Variants in CC2D2A observed in about 807,000 individuals in gnomAD.
CC2D2A encodes the protein coiled-coil and C2 domain containing 2A.
A neutral mutation model predicts 212.9 loss-of-function variants in CC2D2A; 155 were observed. The observed-to-expected ratio is 0.73, with a 90% CI of 0.64 to 0.83. CC2D2A has a LOEUF of 0.83. Among genes scored for constraint, CC2D2A ranks in the 40% least tolerant of loss-of-function variants. The pLI is 0.00. For synonymous variants in CC2D2A, 667 were observed against 686.5 expected, an observed-to-expected ratio of 0.97 and a Z score of 0.44; for missense variants, 1,856 against 1,956.2, an observed-to-expected ratio of 0.95 and a Z score of 0.97.
At chr4:15,554,855 G>C (rs1054377826) in intron 19 of CC2D2A, among the ~76,000 whole-genome samples, 1 of 152,208 alleles carries the variant, frequency 6.6e-6, no homozygotes, top group African/African-American at 2.4e-5. Flanking sequence ...GTAGGAATTA[G>C]TCATATCTGC....
Position 15,569,409 on chromosome 4 carries a change from A to G in CC2D2A, c.3495+20A>G. 7.2e-7 allele frequency: 1 copy of G among 1,391,356 alleles called. No individual in the cohort carries two copies. The highest frequency in any genetic ancestry group is 1.0e-6 in the Non-Finnish European group (1 of 998,386). The allele number at this position is 1,391,356 out of a possible 1,614,324, so 86.2% of individuals were successfully genotyped here. On this transcript the variant is annotated intron_variant, in intron 27 of 36. Transcript: ENST00000424120. ...TTAGAGGTAAGTTCTCAGTTTTAAGAAAGACACTTGTATTCACTTTCATAT... is the reference window on the plus strand; with the variant it reads ...TTAGAGGTAAGTTCTCAGTTTTAAGGAAGACACTTGTATTCACTTTCATAT...
In CC2D2A at chr4:15,528,683, G is replaced by A. The variant is rs779330548; in HGVS notation, c.1423G>A (p.Asp475Asn). Residue 475 changes from aspartate (D) to asparagine (N), a missense_variant, in exon 13 of 37, where the codon GAT becomes AAT. Physicochemically the swap from Asp to Asn is conservative, Grantham distance 23. This residue lies in a region of CC2D2A where 1,512 missense variants were observed against 1,579.3 expected (regional missense o/e 0.96). Coordinates refer to ENST00000424120, the MANE Select transcript of CC2D2A (RefSeq NM_001378615.1). The stretch of plus-strand genomic sequence containing the variant: ...TCCAGAAAAACCTCATCAGTCTCTC[G>A]ATACCATCCAAAAAACCATCAATGA... ...LDPEKPHQSL[D>N]TIQKTINEYK... 11 of 1,613,340 alleles carry A rather than the reference G, an allele frequency of 6.8e-6. No homozygotes were observed. Among genetic ancestry groups the A allele is most frequent in the South Asian group, 5.5e-5 (5 of 90,960 alleles).
intron 35 of CC2D2A, among the ~76,000 whole-genome samples, chr4:15,597,928 G>C (rs1444595611): frequency 6.6e-6 from 1 of 152,214 alleles, no homozygotes; most frequent in African/African-American, 2.4e-5. Flanking sequence ...CTGAGGCTCA[G>C]AGAGGTCCAC....
At position 15,589,641 on chromosome 4, in the gene CC2D2A, C is replaced by A; in HGVS notation, c.4276C>A (p.Pro1426Thr). The change falls in exon 33 of 37, where the codon CCC (proline) becomes ACC (threonine). Residue 1426 changes from proline (P) to threonine (T), a missense_variant. This residue lies in a region of CC2D2A where 285 missense variants were observed against 278.4 expected (regional missense o/e 1.02). Coordinates refer to ENST00000424120, the MANE Select transcript of CC2D2A (RefSeq NM_001378615.1). ...TTATGGACAATTTGATACATTCTGT[C>A]CCTTGAAAAATGTGGGCTGTTTAAT... ...HFYGQFDTFC[P>T]LKNVGCLIGP... The A allele has an allele frequency of 6.2e-7, 1 of 1,601,548 alleles. No homozygotes were observed. The highest frequency in any genetic ancestry group is 8.5e-7 in the Non-Finnish European group (1 of 1,172,760).
chr4:15,586,257 C>G lies in CC2D2A; in HGVS notation c.4065+11C>G, dbSNP rs1157149153. 2.6e-6 allele frequency: 4 copies of G among 1,514,634 alleles called. No homozygotes were observed. The East Asian group carries it at 7.1e-5, about 27-fold the overall frequency. The allele number at this position is 1,514,634 out of a possible 1,614,324, so 93.8% of individuals were successfully genotyped here. A position where few individuals can be genotyped will look rare whatever the true frequency, so the allele number is the denominator to read the frequency against. On this transcript the variant is annotated intron_variant, in intron 31 of 36. Coordinates refer to ENST00000424120, the MANE Select transcript of CC2D2A (RefSeq NM_001378615.1). ...TGGAGCACATCTGATGTAAGTAGTT[C>G]TTCTTCACAGATTTAGAAACTTGAG...
rs762588216 is a variant in CC2D2A, at chr4:15,502,474, T to C, written c.293T>C (p.Phe98Ser). 9 of 1,609,618 alleles carry C rather than the reference T, an allele frequency of 5.6e-6. No homozygotes were observed. Among genetic ancestry groups the C allele is most frequent in the East Asian group, 2.2e-5 (1 of 44,820 alleles). ...PSTSRTGFAEFSMRGRMREKL... is the reference protein window; with the variant it reads ...PSTSRTGFAESSMRGRMREKL... ...ACTTCCAGAACAGGCTTTGCAGAAT[T>C]TTCCATGAGGGGACGCATGAGGGAG... Residue 98 changes from phenylalanine to serine, a missense_variant, in exon 5 of 37, where the codon TTT (phenylalanine) becomes TCT (serine). Physicochemically the swap from Phe to Ser is radical, Grantham distance 155. Coordinates refer to ENST00000424120, the MANE Select transcript of CC2D2A (RefSeq NM_001378615.1).
intron 4 of CC2D2A, 142 bp from the exon 5 acceptor site, chr4:15,502,287 G>A: frequency 1.5e-6 from 1 of 659,298 alleles, no homozygotes; most frequent in Non-Finnish European, 2.6e-6. Context: ...TTCTAAATGT[G>A]CAAAATAAAA....
At chr4:15,489,303 C>T (rs1473761949) in intron 4 of CC2D2A, among the ~76,000 whole-genome samples, 2 of 152,058 alleles carry the variant, frequency 1.3e-5, no homozygotes. Flanking sequence ...CAGCATGAGA[C>T]ATAGAGGGGA....
chr4:15,522,509 T>C (rs1577345835), intron 11 of CC2D2A, among the ~76,000 whole-genome samples: 1 of 92,042 alleles, frequency 1.1e-5, no homozygotes. Flanking sequence ...TTTTTGAATG[T>C]TTTTTTTTTT....
At chr4:15,560,102 G>A (rs1187553309) in intron 22 of CC2D2A, among the ~76,000 whole-genome samples, 1 of 152,110 alleles carries the variant, frequency 6.6e-6, no homozygotes, top group Non-Finnish European at 1.5e-5. Flanking sequence ...AAAGTGCTGG[G>A]ATTACAGGCA....
intron 35 of CC2D2A, among the ~76,000 whole-genome samples, chr4:15,598,638 CACAA>C (rs112637724): frequency 4.6e-4 from 70 of 152,238 alleles, no homozygotes; most frequent in Admixed American, 3.4e-3. Flanking sequence ...CTGTACTTAT[CACAA>C]ACAGTTTCAA....
At chr4:15,502,594 T>C in intron 5 of CC2D2A, 77 bp downstream of exon 5, 2 of 1,288,920 alleles carry the variant, frequency 1.6e-6, no homozygotes, top group Non-Finnish European at 2.2e-6. Flanking sequence ...CTTTTTATGC[T>C]CCAAACTGCA....
intron 16 of CC2D2A, among the ~76,000 whole-genome samples, chr4:15,540,613 T>C (rs1306103186): frequency 1.3e-5 from 2 of 152,208 alleles, no homozygotes; most frequent in East Asian, 3.8e-4. Context: ...GAATGGACTC[T>C]AGTTCTTAAA....
At position 15,510,112 on chromosome 4, in the gene CC2D2A, A is replaced by G. The variant is rs754639118; in HGVS notation, c.439-27A>G. ...CTAAGTTTCTTGGGTTAAATGGTTTATCTATCATTTTTTTCCACTCATATA... is the reference window on the plus strand; with the variant it reads ...CTAAGTTTCTTGGGTTAAATGGTTTGTCTATCATTTTTTTCCACTCATATA... On this transcript the variant is annotated intron_variant, in intron 6 of 36. Transcript: ENST00000424120. The G allele has an allele frequency of 2.4e-5, 37 of 1,548,734 alleles. No individual in the cohort carries two copies. The East Asian group carries it at 8.1e-4, about 34-fold the overall frequency.
chr4:15,560,576 T>A lies in CC2D2A; in HGVS notation c.2968T>A (p.Phe990Ile). 1 of 1,534,282 alleles carries A rather than the reference T, an allele frequency of 6.5e-7. No homozygotes were observed. The highest frequency in any genetic ancestry group is 1.7e-4 in the Middle Eastern group (1 of 5,890). ...TCGTTTCTTAATTGCAAAACAATAT[T>A]TTCTTCTTGCTGATATGATAGTAGA... ...INRFLIAKQY[F>I]LLADMIVEEE... The change falls in exon 23 of 37, where the codon TTT becomes ATT. Residue 990 changes from phenylalanine to isoleucine, a missense_variant. Physicochemically the swap from Phe to Ile is conservative, Grantham distance 21 (BLOSUM62 0). Coordinates refer to ENST00000424120, the MANE Select transcript of CC2D2A (RefSeq NM_001378615.1).
chr4:15,584,291 G>T (rs1720773520), intron 30 of CC2D2A, among the ~76,000 whole-genome samples: 2 of 152,144 alleles, frequency 1.3e-5, no homozygotes, highest in South Asian at 4.1e-4. Flanking sequence ...CATGGCTGTG[G>T]TCTAAAAACC....
chr4:15,528,280 G>A (rs901237507), intron 12 of CC2D2A, among the ~76,000 whole-genome samples: 1 of 152,172 alleles, frequency 6.6e-6, no homozygotes, highest in African/African-American at 2.4e-5. Context: ...ACCATCATAT[G>A]TCCTGGACCC....
chr4:15,479,145 G>A (rs1714447377), intron 3 of CC2D2A: 1 of 1,007,744 alleles, frequency 9.9e-7, no homozygotes, highest in Admixed American at 2.0e-5. Flanking sequence ...ATGGGCAGTA[G>A]ATGGCAGTAC....
intron 8 of CC2D2A, among the ~76,000 whole-genome samples, chr4:15,512,370 C>T (rs1455133671): frequency 1.3e-5 from 2 of 152,038 alleles, no homozygotes; most frequent in Admixed American, 6.6e-5. Flanking sequence ...ATTATACAAC[C>T]GCAGAAAGCA....
Sources: gnomAD v4.1 joint callset for allele counts (sites outside exome capture counted in the v4.1 genomes callset) on GRCh38, gnomAD v4.1.1 for gene constraint, gnomAD v4.1.1 regional missense constraint, MANE v1.5 for transcripts, NCBI Gene and HGNC (gene_info 2026-07-23, HGNC 2026-07-21) for gene names.